The following APBB2 variants were observed in gnomAD, a reference collection of about 807,000 sequenced individuals.
APBB2 encodes the protein Fe65-like 1.
In APBB2, 38 loss-of-function variants were observed where a neutral mutation model predicts 82.5. The observed-to-expected ratio is 0.46, with a 90% CI of 0.36 to 0.60. The LOEUF (loss-of-function observed/expected upper bound fraction) is 0.60. Ranked by LOEUF, APBB2 falls within the 20% of genes least tolerant of loss-of-function variation. The probability of loss-of-function intolerance (pLI) is 0.00; values close to 1 mark genes in which losing one functional copy is unlikely to be tolerated. For synonymous variants in APBB2, 341 were observed against 368.2 expected, an observed-to-expected ratio of 0.93 and a Z score of 0.85; for missense variants, 772 against 972.3, an observed-to-expected ratio of 0.79 and a Z score of 2.74.
intron 12 of APBB2, among the ~76,000 whole-genome samples, chr4:40,848,021 G>T (rs1008312192): frequency 2.0e-5 from 3 of 151,968 alleles, no homozygotes; most frequent in Non-Finnish European, 4.4e-5. Flanking sequence ...GCAAAGGTTG[G>T]TCTCAAACTT....
At chr4:40,940,807 A>G (rs1388138617) in intron 7 of APBB2, among the ~76,000 whole-genome samples, 1 of 152,244 alleles carries the variant, frequency 6.6e-6, no homozygotes, top group Non-Finnish European at 1.5e-5. Context: ...ACTTGGCCAC[A>G]AGCCAATGGA....
intron 1 of APBB2, among the ~76,000 whole-genome samples, chr4:41,183,416 C>A (rs1771977088): frequency 6.6e-6 from 1 of 152,072 alleles, no homozygotes; most frequent in African/African-American, 2.4e-5. Flanking sequence ...ACCTCCAGTA[C>A]CACAGAATGT....
chr4:40,918,878 T>C (rs1229862082), intron 10 of APBB2, among the ~76,000 whole-genome samples: 3 of 152,108 alleles, frequency 2.0e-5, no homozygotes, highest in Non-Finnish European at 4.4e-5. Context: ...CCCAGAGTGC[T>C]GGGATTACAG....
chr4:41,183,662 T>C (rs1772051148), intron 1 of APBB2, among the ~76,000 whole-genome samples: 1 of 151,792 alleles, frequency 6.6e-6, no homozygotes, highest in African/African-American at 2.4e-5. Flanking sequence ...ACAGATTCTC[T>C]TTCTCTCATG....
In APBB2 at chr4:40,934,613, C is replaced by T; in HGVS notation, c.1193+1G>A. The T allele has an allele frequency of 6.2e-7, 1 of 1,613,752 alleles. No homozygotes were observed. The highest frequency in any genetic ancestry group is 8.5e-7 in the Non-Finnish European group (1 of 1,179,648). On this transcript the variant is annotated splice_donor_variant, in intron 9 of 17. Transcript: ENST00000508593. LOFTEE classifies it high-confidence loss of function. Reference sequence around the variant, plus strand: ...GCAGGTCGATCCTACTAATGTCCTACCTGAGTTTCAAAGATGCATAGCGTA... The same window carrying T: ...GCAGGTCGATCCTACTAATGTCCTATCTGAGTTTCAAAGATGCATAGCGTA...
intron 12 of APBB2, among the ~76,000 whole-genome samples, chr4:40,877,798 G>T (rs1462507031): frequency 3.9e-5 from 6 of 152,160 alleles, no homozygotes; most frequent in Non-Finnish European, 7.4e-5. Flanking sequence ...GAAGGATTTA[G>T]GGATCAGGGA....
intron 6 of APBB2, among the ~76,000 whole-genome samples, chr4:40,991,204 A>G (rs1363738994): frequency 7.4e-6 from 1 of 135,848 alleles, no homozygotes; most frequent in Non-Finnish European, 1.6e-5. Context: ...TTTTGTAGAA[A>G]TGAGATCTCA....
At chr4:40,862,160 C>T (rs1272298201) in intron 12 of APBB2, among the ~76,000 whole-genome samples, 1 of 152,204 alleles carries the variant, frequency 6.6e-6, no homozygotes, top group Admixed American at 6.5e-5. Flanking sequence ...CAGCCATAAT[C>T]CAATTTCAAT....
chr4:40,893,248 T>C lies in APBB2; in HGVS notation c.1401+17A>G, dbSNP rs1405064366. On this transcript the variant is annotated intron_variant, in intron 11 of 17. Coordinates refer to ENST00000508593, the MANE Select transcript of APBB2 (RefSeq NM_004307.2). ...AACGTAAACAGCCTGCCGTGCATCA[T>C]TCTACATGCCACTTACCTCTCCCCA... The C allele has an allele frequency of 2.9e-5, 47 of 1,611,450 alleles. No individual in the cohort carries two copies. Among genetic ancestry groups the C allele is most frequent in the Non-Finnish European group, 3.9e-5 (46 of 1,178,756 alleles).
intron 6 of APBB2, among the ~76,000 whole-genome samples, chr4:41,007,805 G>A (rs1230246445): frequency 1.3e-5 from 2 of 152,178 alleles, no homozygotes; most frequent in African/African-American, 4.8e-5. Context: ...GCCACATACC[G>A]TGTGAAGAAG....
At chr4:40,820,261 C>G (rs986409444) in intron 17 of APBB2, among the ~76,000 whole-genome samples, 27 of 152,270 alleles carry the variant, frequency 1.8e-4, no homozygotes, top group Admixed American at 7.8e-4. Flanking sequence ...CTCCTCCTCT[C>G]TCCCATCTGC....
At chr4:41,183,281 CA>C (rs1364783572) in intron 1 of APBB2, among the ~76,000 whole-genome samples, 2 of 152,190 alleles carry the variant, frequency 1.3e-5, no homozygotes, top group Non-Finnish European at 2.9e-5. Flanking sequence ...CTATTCTCCA[CA>C]AAACAGTGAT....
chr4:40,966,222 A>T (rs772150525), intron 6 of APBB2, among the ~76,000 whole-genome samples: 2 of 152,158 alleles, frequency 1.3e-5, no homozygotes, highest in African/African-American at 4.8e-5. Context: ...TCTCTGTCAC[A>T]TGTGTACTAT....
intron 17 of APBB2, among the ~76,000 whole-genome samples, chr4:40,817,680 T>G (rs28578464): frequency 6.6e-6 from 1 of 151,830 alleles, no homozygotes; most frequent in Admixed American, 6.6e-5. Flanking sequence ...ATGGCTTTTT[T>G]AAAAAAAATC....
intron 10 of APBB2, among the ~76,000 whole-genome samples, chr4:40,912,785 C>T (rs1219244275): frequency 6.6e-6 from 1 of 152,082 alleles, no homozygotes; most frequent in Non-Finnish European, 1.5e-5. Context: ...TTCTCGGAGT[C>T]TGAGTAAGGG....
chr4:41,136,029 T>G (rs895773481), intron 2 of APBB2, among the ~76,000 whole-genome samples: 4 of 152,204 alleles, frequency 2.6e-5, no homozygotes, highest in African/African-American at 9.7e-5. Context: ...TTGATCTGAT[T>G]TTGCTTCATC....
At chr4:40,974,259 A>T (rs1471950996) in intron 6 of APBB2, among the ~76,000 whole-genome samples, 1 of 152,186 alleles carries the variant, frequency 6.6e-6, no homozygotes, top group Non-Finnish European at 1.5e-5. Flanking sequence ...ATAATGTCAG[A>T]CTTATAGGTA....
intron 12 of APBB2, among the ~76,000 whole-genome samples, chr4:40,857,818 G>A (rs1761777206): frequency 6.6e-6 from 1 of 152,080 alleles, no homozygotes; most frequent in African/African-American, 2.4e-5. Flanking sequence ...ATGGGGGGCG[G>A]GGAGGGGTGG....
intron 10 of APBB2, among the ~76,000 whole-genome samples, chr4:40,924,175 A>T (rs1782038090): frequency 6.6e-6 from 1 of 152,200 alleles, no homozygotes; most frequent in South Asian, 2.1e-4. Context: ...TCCCCTTGTG[A>T]ATGCCAACCT....
Sources: gnomAD v4.1 joint callset for allele counts (sites outside exome capture counted in the v4.1 genomes callset) on GRCh38, gnomAD v4.1.1 for gene constraint, MANE v1.5 for transcripts, NCBI Gene and HGNC (gene_info 2026-07-23, HGNC 2026-07-21) for gene names.